CC2D2B: variants seen among roughly 807,000 people sequenced by gnomAD.
The protein encoded by CC2D2B is coiled-coil and C2 domain containing 2B, also known as protein CC2D2B.
Under a neutral mutation model 161.2 loss-of-function variants are expected in CC2D2B, and 128 were observed. The ratio of observed to expected loss-of-function variants is 0.79; its 90% CI spans 0.69 to 0.92. CC2D2B has a LOEUF of 0.92. CC2D2B is among the 40% of genes least tolerant of loss of function. CC2D2B has a pLI of 0.00. For synonymous variants in CC2D2B, 391 were observed against 449.8 expected, an observed-to-expected ratio of 0.87 and a Z score of 1.65; for missense variants, 1,173 against 1,375.1, an observed-to-expected ratio of 0.85 and a Z score of 2.32.
chr10:95,923,548 G>A (rs1035394686), intron 3 of CC2D2B, among the ~76,000 whole-genome samples: 1 of 152,104 alleles, frequency 6.6e-6, no homozygotes, highest in Non-Finnish European at 1.5e-5. Flanking sequence ...ACCAGGCTTT[G>A]ATATTTTTGT....
intron 9 of CC2D2B, among the ~76,000 whole-genome samples, chr10:95,944,447 A>G (rs1280752497): frequency 2.0e-5 from 3 of 152,198 alleles, no homozygotes; most frequent in African/African-American, 7.2e-5. Flanking sequence ...CCTGCTATTT[A>G]TCTTATTCTT....
chr10:96,000,025 A>G, intron 24 of CC2D2B: 2 of 1,368,472 alleles, frequency 1.5e-6, no homozygotes, highest in Non-Finnish European at 2.0e-6. Flanking sequence ...TGTTTACAAC[A>G]ATGCCAACAG....
intron 10 of CC2D2B, among the ~76,000 whole-genome samples, chr10:95,952,729 T>C (rs909689836): frequency 3.9e-5 from 6 of 152,052 alleles, no homozygotes; most frequent in African/African-American, 1.4e-4. Context: ...TGTATCACTA[T>C]ATATATATAA....
chr10:95,961,955 G>C lies in CC2D2B; in HGVS notation c.1236G>C (p.Lys412Asn). 8.1e-7 allele frequency: 1 copy of C among 1,231,298 alleles called. No homozygotes were observed. The highest frequency in any genetic ancestry group is 1.0e-6 in the Non-Finnish European group (1 of 987,340). The allele number at this position is 1,231,298 out of a possible 1,614,324, so 76.3% of individuals were successfully genotyped here. A position where few individuals can be genotyped will look rare whatever the true frequency, so the allele number is the denominator to read the frequency against. Residue 412 changes from lysine to asparagine, a missense_variant, in exon 12 of 35, where the codon AAG (lysine) becomes AAC (asparagine). Physicochemically the swap from Lys to Asn is moderately conservative, Grantham distance 94. Around this residue, in one of 3 missense-constraint regions of CC2D2B, gnomAD observed 277 missense variants for 420.6 expected, o/e 0.66. Transcript: ENST00000646931. ...HGQGFTSTPI[K>N]LQVQRIKMNK... ...AAGGGTTTACAAGCACCCCAATAAAGTTACAGGTTCAGAGGTAAGTGGCTG... is the reference window on the plus strand; with the variant it reads ...AAGGGTTTACAAGCACCCCAATAAACTTACAGGTTCAGAGGTAAGTGGCTG...
chr10:96,021,624 G>C (rs2079464753), intron 32 of CC2D2B: 1 of 152,186 alleles, frequency 6.6e-6, no homozygotes, highest in Non-Finnish European at 1.5e-5. Flanking sequence ...GACATGAAAT[G>C]ACACATACAG....
intron 34 of CC2D2B, among the ~76,000 whole-genome samples, chr10:96,029,276 ATATATATATGTATATATATATATATAT>A (rs1378007543): frequency 3.7e-5 from 2 of 54,694 alleles, no homozygotes; most frequent in South Asian, 1.1e-3. Context: ...ATATATATAT[ATATATATATGTATATATATATATATAT>A]ATGTATATCT....
At chr10:96,025,208 T>TATATATATATATAAAAAA (rs2079705892) in intron 33 of CC2D2B, among the ~76,000 whole-genome samples, 1 of 125,750 alleles carries the variant, frequency 8.0e-6, no homozygotes, top group African/African-American at 3.1e-5. Flanking sequence ...TATATATATA[T>TATATATATATATAAAAAA]ATATATATAT....
At chr10:95,920,630 A>G (rs2098525156) in intron 2 of CC2D2B, 1 of 152,002 alleles carries the variant, frequency 6.6e-6, no homozygotes, top group Non-Finnish European at 1.5e-5. Flanking sequence ...TGTGGCCGCC[A>G]CAGGTGGAAA....
intron 1 of CC2D2B, 65 bp from the exon 2 acceptor site, chr10:95,911,236 C>A (rs2098505897): frequency 9.4e-6 from 2 of 211,984 alleles, no homozygotes; most frequent in South Asian, 1.7e-4. Context: ...TACTTTTAAC[C>A]TCAAGTATCA....
chr10:95,973,668 G>A (rs1474761757), intron 16 of CC2D2B, among the ~76,000 whole-genome samples: 1 of 151,924 alleles, frequency 6.6e-6, no homozygotes, highest in African/African-American at 2.4e-5. Flanking sequence ...AGACCAGCCT[G>A]GCCAACATGG....
rs2077155681 is a variant in CC2D2B, at chr10:95,972,046, G to T, written c.1645-20G>T. The T allele has an allele frequency of 8.3e-7, 1 of 1,203,226 alleles. No individual in the cohort carries two copies. The highest frequency in any genetic ancestry group is 1.6e-5 in the African/African-American group (1 of 63,738). The allele number at this position is 1,203,226 out of a possible 1,614,324, so 74.5% of individuals were successfully genotyped here. On this transcript the variant is annotated intron_variant, in intron 15 of 34. Coordinates refer to ENST00000646931, the MANE Select transcript of CC2D2B (RefSeq NM_001349008.3). ...GTGTTGTATTTTTAGTGATCTATCAGCCATTTCTTTTATATTTAGGTTTAT... is the reference window on the plus strand; with the variant it reads ...GTGTTGTATTTTTAGTGATCTATCATCCATTTCTTTTATATTTAGGTTTAT...
intron 22 of CC2D2B, among the ~76,000 whole-genome samples, chr10:95,993,900 ATGTG>A (rs1270650458): frequency 0.053 from 2,099 of 39,672 alleles, 46 homozygotes; most frequent in Middle Eastern, 0.065. Context: ...GAGAGAGAGA[ATGTG>A]TGTGTGTGTG....
intron 17 of CC2D2B, among the ~76,000 whole-genome samples, chr10:95,976,480 CCTCT>C (rs2077317460): frequency 6.6e-6 from 1 of 152,168 alleles, no homozygotes; most frequent in Non-Finnish European, 1.5e-5. Flanking sequence ...AGTCCAGGGC[CCTCT>C]CTAAGTCAAA....
chr10:96,033,729 T>A lies in CC2D2B; in HGVS notation c.*1721T>A, dbSNP rs2080126854. ...CATGAGTGTTACTTTTTCAATTAAA[T>A]TTTTTCCTGAAAATCATGAAATTAT... On this transcript the variant is annotated 3_prime_UTR_variant, in exon 35 of 35. Transcript: ENST00000646931. 6.6e-6 allele frequency among the ~76,000 whole-genome samples: 1 copy of A among 152,218 alleles called. No individual in the cohort carries two copies.
At position 95,995,273 on chromosome 10, in the gene CC2D2B, T is replaced by C. The variant is rs960806702; in HGVS notation, c.2647T>C (p.Leu883=). ...TCTCTATTGTTTTTCCTGAAGATCCTTGGATATGCCTACTTGTTTGAAATC... is the reference window on the plus strand; with the variant it reads ...TCTCTATTGTTTTTCCTGAAGATCCCTGGATATGCCTACTTGTTTGAAATC... ...PTRKTTINGS[L]DMPTCLKSSI... The change falls in exon 23 of 35, where the codon TTG becomes CTG. Residue 883 remains leucine (L), a synonymous_variant. Transcript: ENST00000646931. The C allele has an allele frequency of 1.3e-6, 2 of 1,512,236 alleles. No homozygotes were observed. Among genetic ancestry groups the C allele is most frequent in the Non-Finnish European group, 1.8e-6 (2 of 1,133,906 alleles). The allele number at this position is 1,512,236 out of a possible 1,614,324, so 93.7% of individuals were successfully genotyped here.
At chr10:96,018,980 T>C in intron 30 of CC2D2B, 1 of 362,824 alleles carries the variant, frequency 2.8e-6, no homozygotes, top group Non-Finnish European at 4.9e-6. Flanking sequence ...AAAAAAAAAT[T>C]TTTTGTGATA....
chr10:95,938,250 C>T (rs2075896790), intron 7 of CC2D2B, 61 bp downstream of exon 7: 2 of 1,070,398 alleles, frequency 1.9e-6, no homozygotes, highest in South Asian at 2.9e-5. Context: ...GGGATAATAG[C>T]TTTATTGTAT....
chr10:96,025,316 C>T (rs1186388776), intron 33 of CC2D2B, among the ~76,000 whole-genome samples: 1 of 127,590 alleles, frequency 7.8e-6, no homozygotes, highest in Non-Finnish European at 1.6e-5. Flanking sequence ...GATATGATCA[C>T]ACAACACACC....
At chr10:95,912,866 A>G (rs1200241433) in intron 2 of CC2D2B, among the ~76,000 whole-genome samples, 1 of 152,184 alleles carries the variant, frequency 6.6e-6, no homozygotes, top group African/African-American at 2.4e-5. Flanking sequence ...GGTATGGGGT[A>G]CATGAGATAT....
Sources: allele counts gnomAD v4.1 joint callset (sites outside exome capture counted in the v4.1 genomes callset), GRCh38; gene constraint gnomAD v4.1.1; regional missense constraint gnomAD v4.1.1; transcripts MANE v1.5; gene names NCBI Gene and HGNC (gene_info 2026-07-23, HGNC 2026-07-21).